MTUS2: variants seen among roughly 807,000 people sequenced by gnomAD.
The protein encoded by MTUS2 is microtubule associated scaffold protein 2, also known as microtubule-associated tumor suppressor candidate 2.
In MTUS2, 40 loss-of-function variants were observed where a neutral mutation model predicts 114.1. The observed-to-expected ratio is 0.35, with a 90% CI of 0.27 to 0.46. The LOEUF is 0.46. Ranked by LOEUF, MTUS2 falls within the 20% of genes least tolerant of loss-of-function variation. The probability of loss-of-function intolerance (pLI) is 1.00; values close to 1 mark genes in which losing one functional copy is unlikely to be tolerated. For synonymous variants in MTUS2, 688 were observed against 672.0 expected, an observed-to-expected ratio of 1.02 and a Z score of -0.37; for missense variants, 1,679 against 1,705.4, an observed-to-expected ratio of 0.98 and a Z score of 0.27.
intron 2 of MTUS2, among the ~76,000 whole-genome samples, chr13:28,892,617 G>A (rs911001911): frequency 6.6e-6 from 1 of 152,146 alleles, no homozygotes; most frequent in Non-Finnish European, 1.5e-5. Context: ...GAATCACCTG[G>A]TGGGGTTGGA....
chr13:28,910,710 C>G (rs952699942), intron 2 of MTUS2, among the ~76,000 whole-genome samples: 1 of 152,072 alleles, frequency 6.6e-6, no homozygotes, highest in African/African-American at 2.4e-5. Context: ...AGGACATGAT[C>G]TCATTTCTTT....
At chr13:28,899,715 C>T (rs116259853) in intron 2 of MTUS2, among the ~76,000 whole-genome samples, 1 of 151,522 alleles carries the variant, frequency 6.6e-6, no homozygotes, top group African/African-American at 2.4e-5. Context: ...CAGCACAATC[C>T]AGCTGTTTTT....
At chr13:29,468,491 A>G (rs1315920269) in intron 9 of MTUS2, among the ~76,000 whole-genome samples, 2 of 152,028 alleles carry the variant, frequency 1.3e-5, no homozygotes, top group Admixed American at 6.6e-5. Context: ...AGGCAGGAAA[A>G]TTGTTTGAAC....
chr13:28,854,684 A>G (rs894585528), intron 2 of MTUS2, among the ~76,000 whole-genome samples: 1 of 152,232 alleles, frequency 6.6e-6, no homozygotes, highest in African/African-American at 2.4e-5. Context: ...TAAAAGTTAC[A>G]AAGTAATCCC....
intron 2 of MTUS2, among the ~76,000 whole-genome samples, chr13:28,926,750 T>G (rs1251677277): frequency 6.6e-6 from 1 of 152,218 alleles, no homozygotes; most frequent in African/African-American, 2.4e-5. Context: ...TAGAAAATTT[T>G]CCCATAAATC....
intron 2 of MTUS2, among the ~76,000 whole-genome samples, chr13:28,989,842 G>GTTTTT (rs1475335996): frequency 1.9e-5 from 2 of 102,726 alleles, no homozygotes; most frequent in African/African-American, 6.9e-5. Flanking sequence ...CCTTTTTTTT[G>GTTTTT]TTTTGTTTTG....
At chr13:29,311,297 G>C (rs1242013035) in intron 6 of MTUS2, among the ~76,000 whole-genome samples, 6 of 152,158 alleles carry the variant, frequency 3.9e-5, no homozygotes, top group Non-Finnish European at 8.8e-5. Flanking sequence ...CATCCCTCTG[G>C]CTGCCAGTGA....
At chr13:29,368,027 C>T (rs1870876326) in intron 8 of MTUS2, among the ~76,000 whole-genome samples, 1 of 151,716 alleles carries the variant, frequency 6.6e-6, no homozygotes, top group Admixed American at 6.6e-5. Context: ...CAAGCTCCAC[C>T]TTCCGGGTTC....
intron 8 of MTUS2, among the ~76,000 whole-genome samples, chr13:29,424,554 G>A (rs567493165): frequency 6.6e-6 from 1 of 152,266 alleles, no homozygotes; most frequent in African/African-American, 2.4e-5. Flanking sequence ...TGGAGATGAG[G>A]CTATCACATC....
At chr13:29,070,512 G>T (rs965148137) in intron 4 of MTUS2, among the ~76,000 whole-genome samples, 35 of 152,008 alleles carry the variant, frequency 2.3e-4, no homozygotes, top group African/African-American at 8.5e-4. Context: ...TCTTTTGTAG[G>T]TGATCTGATT....
At chr13:28,923,639 G>A (rs1317118505) in intron 2 of MTUS2, among the ~76,000 whole-genome samples, 1 of 152,176 alleles carries the variant, frequency 6.6e-6, no homozygotes, top group East Asian at 1.9e-4. Flanking sequence ...AGTCAGTGAG[G>A]CTTTCTGTGT....
intron 6 of MTUS2, among the ~76,000 whole-genome samples, chr13:29,297,379 C>G (rs1898994870): frequency 6.6e-6 from 1 of 152,174 alleles, no homozygotes; most frequent in African/African-American, 2.4e-5. Context: ...ATGCATCATG[C>G]AGTATTCTTA....
chr13:29,255,168 G>A (rs747185597), intron 5 of MTUS2, among the ~76,000 whole-genome samples: 39 of 152,346 alleles, frequency 2.6e-4, no homozygotes, highest in Admixed American at 6.5e-4. Flanking sequence ...CTTAGCTGGA[G>A]GCAGATGTAA....
intron 2 of MTUS2, among the ~76,000 whole-genome samples, chr13:28,999,892 C>G (rs929327433): frequency 2.0e-5 from 3 of 152,144 alleles, no homozygotes; most frequent in African/African-American, 7.2e-5. Flanking sequence ...ATGTGTTTGG[C>G]TTACTTCACT....
At chr13:29,013,665 T>C (rs1258847579) in intron 2 of MTUS2, among the ~76,000 whole-genome samples, 1 of 152,178 alleles carries the variant, frequency 6.6e-6, no homozygotes, top group Non-Finnish European at 1.5e-5. Flanking sequence ...AAAGGGGACA[T>C]GTAACTCTGG....
At chr13:29,066,784 T>C (rs1888686510) in intron 4 of MTUS2, among the ~76,000 whole-genome samples, 1 of 152,256 alleles carries the variant, frequency 6.6e-6, no homozygotes, top group African/African-American at 2.4e-5. Context: ...GATAAATCAG[T>C]AATTCATTAG....
At chr13:29,117,022 G>A (rs1009534253) in intron 5 of MTUS2, among the ~76,000 whole-genome samples, 4 of 152,070 alleles carry the variant, frequency 2.6e-5, no homozygotes, top group Admixed American at 2.6e-4. Context: ...TGCTAGGTAG[G>A]GTTACTTCTT....
intron 4 of MTUS2, among the ~76,000 whole-genome samples, chr13:29,088,845 G>A (rs1192170336): frequency 6.6e-6 from 1 of 152,020 alleles, no homozygotes; most frequent in African/African-American, 2.4e-5. Flanking sequence ...CTTACTTTAT[G>A]GGTGTCATTG....
At chr13:28,821,018 C>A (rs1243320220) in intron 1 of MTUS2, among the ~76,000 whole-genome samples, 1 of 148,914 alleles carries the variant, frequency 6.7e-6, no homozygotes, top group Non-Finnish European at 1.5e-5. Context: ...TTTTTTTTTT[C>A]ATTCTGTGCC....
Sources: gnomAD v4.1 joint callset for allele counts (sites outside exome capture counted in the v4.1 genomes callset) on GRCh38, gnomAD v4.1.1 for gene constraint, MANE v1.5 for transcripts, NCBI Gene and HGNC (gene_info 2026-07-23, HGNC 2026-07-21) for gene names.